The following DACH1 variants were observed in gnomAD, a reference collection of about 807,000 sequenced individuals.
The protein encoded by DACH1 is dachshund homolog 1.
In DACH1, 12 loss-of-function variants were observed where a neutral mutation model predicts 54.2. That is an observed-to-expected ratio of 0.22 (90% CI 0.14 to 0.36). The LOEUF (loss-of-function observed/expected upper bound fraction) is 0.36. DACH1 is among the 10% of genes least tolerant of loss of function. The probability of loss-of-function intolerance (pLI) is 1.00; values close to 1 mark genes in which losing one functional copy is unlikely to be tolerated. For synonymous variants in DACH1, 386 were observed against 366.2 expected, an observed-to-expected ratio of 1.05 and a Z score of -0.62; for missense variants, 805 against 929.8, an observed-to-expected ratio of 0.87 and a Z score of 1.75.
chr13:71,811,838 G>C (rs1227295880), intron 1 of DACH1, among the ~76,000 whole-genome samples: 1 of 152,020 alleles, frequency 6.6e-6, no homozygotes, highest in African/African-American at 2.4e-5. Flanking sequence ...GAATATATTG[G>C]GAAACTGCTA....
intron 1 of DACH1, among the ~76,000 whole-genome samples, chr13:71,715,487 G>T (rs539685849): frequency 1.3e-5 from 2 of 151,878 alleles, no homozygotes; most frequent in Non-Finnish European, 2.9e-5. Flanking sequence ...CTAAGAAGGC[G>T]GTTTCCTATA....
intron 2 of DACH1, among the ~76,000 whole-genome samples, chr13:71,656,901 C>G (rs1879126756): frequency 8.4e-6 from 1 of 119,050 alleles, no homozygotes; most frequent in Non-Finnish European, 1.8e-5. Context: ...ACCTTGAGTA[C>G]AGATTGACTG....
chr13:71,661,772 G>C (rs1879505195), intron 2 of DACH1, among the ~76,000 whole-genome samples: 1 of 151,718 alleles, frequency 6.6e-6, no homozygotes, highest in African/African-American at 2.4e-5. Context: ...GAGTACTCAA[G>C]GCATTTCTAA....
At chr13:71,493,447 C>G (rs1259818045) in intron 6 of DACH1, among the ~76,000 whole-genome samples, 1 of 152,112 alleles carries the variant, frequency 6.6e-6, no homozygotes, top group Non-Finnish European at 1.5e-5. Context: ...GAAGCTGTAC[C>G]TAGATTCTTG....
intron 3 of DACH1, among the ~76,000 whole-genome samples, chr13:71,619,764 G>A (rs898052349): frequency 5.9e-5 from 9 of 151,896 alleles, no homozygotes; most frequent in Non-Finnish European, 1.3e-4. Flanking sequence ...TGAGTGTCTA[G>A]CTAAGTTATG....
At chr13:71,821,496 A>AAATTCTAAGATTTTAAATTTAAAAT (rs1566523128) in intron 1 of DACH1, among the ~76,000 whole-genome samples, 3 of 50,362 alleles carry the variant, frequency 6.0e-5, no homozygotes, top group Non-Finnish European at 1.9e-4. Context: ...TAAATTTAAA[A>AAATTCTAAGATTTTAAATTTAAAAT]TTTTCCCCTT....
rs527838618 is a variant in DACH1, at chr13:71,693,258, A to G, written c.849-11348T>C. On this transcript the variant is annotated intron_variant, in intron 1 of 10. Transcript: ENST00000613252. ...ACATACACACACACATACATTCAAC[A>G]ATCTGGTATGATAATACCCTCTTAT... 1.8e-3 allele frequency among the ~76,000 whole-genome samples: 265 copies of G among 150,680 alleles called. 1 individual carries two copies. The highest frequency in any genetic ancestry group is 6.2e-3 in the African/African-American group (253 of 40,770).
At chr13:71,599,842 C>CAT (rs1461437516) in intron 3 of DACH1, among the ~76,000 whole-genome samples, 9 of 151,376 alleles carry the variant, frequency 5.9e-5, no homozygotes, top group Admixed American at 5.9e-4. Context: ...CACACACACA[C>CAT]ACACACACAC....
At chr13:71,543,466 ACT>A (rs1883266274) in intron 6 of DACH1, among the ~76,000 whole-genome samples, 1 of 151,916 alleles carries the variant, frequency 6.6e-6, no homozygotes, top group Non-Finnish European at 1.5e-5. Context: ...ACATCAAAAA[ACT>A]CTTGATTCGC....
rs376291286 is a variant in DACH1, at chr13:71,760,042, A to G, written c.849-78132T>C. 6.0e-4 allele frequency among the ~76,000 whole-genome samples: 91 copies of G among 152,300 alleles called. 5 individuals carry two copies. The South Asian group carries it at 0.018, about 31-fold the overall frequency. ...CTCATTTGCATTAATTTCTCCCATT[A>G]TATCTGAAAATGGCTGAATGTCTAC... On this transcript the variant is annotated intron_variant, in intron 1 of 10. Transcript: ENST00000613252.
chr13:71,812,307 T>C (rs1195060175), intron 1 of DACH1, among the ~76,000 whole-genome samples: 5 of 152,206 alleles, frequency 3.3e-5, no homozygotes, highest in Non-Finnish European at 7.4e-5. Context: ...TTCTGATATG[T>C]TTTATTTTCA....
chr13:71,747,484 G>A (rs1482570995), intron 1 of DACH1, among the ~76,000 whole-genome samples: 1 of 152,136 alleles, frequency 6.6e-6, no homozygotes, highest in Admixed American at 6.5e-5. Flanking sequence ...GGAAGGCTGA[G>A]GCAGGAAAAT....
At chr13:71,685,810 G>T (rs1028153773) in intron 1 of DACH1, among the ~76,000 whole-genome samples, 1 of 152,056 alleles carries the variant, frequency 6.6e-6, no homozygotes, top group Non-Finnish European at 1.5e-5. Context: ...TGTGATACTG[G>T]CTCTACCAAT....
Position 71,730,210 on chromosome 13 carries a change from A to T in DACH1, c.849-48300T>A, listed in dbSNP as rs530480339. ...AAACTTAAAGTATAATAATAATTTT[A>T]AAAAAAGAGAAAAATAAAGAAAAAT... is the stretch of plus-strand genomic sequence containing the variant. On this transcript the variant is annotated intron_variant, in intron 1 of 10. Coordinates refer to ENST00000613252, the MANE Select transcript of DACH1 (RefSeq NM_080759.6). Among the ~76,000 whole-genome samples the T allele has an allele frequency of 1.1e-3, 174 of 152,146 alleles. 1 individual carries two copies. Among genetic ancestry groups the T allele is most frequent in the Non-Finnish European group, 1.5e-3 (100 of 67,950 alleles).
intron 10 of DACH1, among the ~76,000 whole-genome samples, chr13:71,456,123 T>C (rs1173387654): frequency 6.6e-6 from 1 of 152,158 alleles, no homozygotes; most frequent in South Asian, 2.1e-4. Flanking sequence ...ACTTATAATT[T>C]ACATCTTTTG....
chr13:71,742,209 G>A (rs1884418837), intron 1 of DACH1, among the ~76,000 whole-genome samples: 1 of 152,142 alleles, frequency 6.6e-6, no homozygotes, highest in African/African-American at 2.4e-5. Context: ...ATGTGGAACT[G>A]TAAGTCCAAT....
At chr13:71,856,164 A>T (rs934886363) in intron 1 of DACH1, among the ~76,000 whole-genome samples, 15 of 151,962 alleles carry the variant, frequency 9.9e-5, no homozygotes, top group African/African-American at 3.6e-4. Flanking sequence ...AATTTGACCC[A>T]GAAGGCTCCA....
intron 3 of DACH1, among the ~76,000 whole-genome samples, chr13:71,591,672 T>C (rs1873722069): frequency 6.6e-6 from 1 of 152,074 alleles, no homozygotes; most frequent in Non-Finnish European, 1.5e-5. Context: ...TATTATGAAA[T>C]GAGATGTGAC....
chr13:71,814,922 G>A (rs190290652), intron 1 of DACH1, among the ~76,000 whole-genome samples: 17 of 152,268 alleles, frequency 1.1e-4, no homozygotes, highest in Admixed American at 9.2e-4. Context: ...AAGTTTGCCA[G>A]CACTTCAACT....
Sources: allele counts gnomAD v4.1 joint callset (sites outside exome capture counted in the v4.1 genomes callset), GRCh38; gene constraint gnomAD v4.1.1; transcripts MANE v1.5; gene names NCBI Gene and HGNC (gene_info 2026-07-23, HGNC 2026-07-21).